Variants in MYO1F observed in about 807,000 individuals in gnomAD.
MYO1F encodes the protein unconventional myosin-If.
A neutral mutation model predicts 146.6 loss-of-function variants in MYO1F; 60 were observed. The observed-to-expected ratio is 0.41, with a 90% CI of 0.33 to 0.51. The LOEUF (loss-of-function observed/expected upper bound fraction) is 0.51. Among genes scored for constraint, MYO1F ranks in the 20% least tolerant of loss-of-function variants. The pLI is 0.25. For missense variants in MYO1F, 1,274 were observed against 1,534.3 expected (o/e 0.83, Z 2.83); for synonymous variants, 602 against 602.1 (o/e 1.00, Z 0.00).
Position 8,552,110 on chromosome 19 carries a change from T to C in MYO1F, c.559A>G (p.Ile187Val). 1 of 1,614,034 alleles carries C rather than the reference T, an allele frequency of 6.2e-7. No individual in the cohort carries two copies. The highest frequency in any genetic ancestry group is 8.5e-7 in the Non-Finnish European group (1 of 1,180,000). Residue 187 changes from isoleucine (I) to valine (V), a missense_variant, in exon 7 of 28, where the codon ATC becomes GTC. Ile to Val is a conservative substitution (Grantham distance 29). Transcript: ENST00000644032. ...GACTTCTCCAGCAAGAAGTTGGAGA[T>C]CTTGCCCCCATCTGGCTCCCCACCT... ...SRGGEPDGGK[I>V]SNFLLEKSRV...
intron 19 of MYO1F, among the ~76,000 whole-genome samples, chr19:8,531,275 A>C (rs930967737): frequency 6.6e-6 from 1 of 151,986 alleles, no homozygotes; most frequent in Non-Finnish European, 1.5e-5. Context: ...TGAACCTGGG[A>C]GTTGGAGGTT....
chr19:8,559,138 C>G (rs1026547101), intron 1 of MYO1F, among the ~76,000 whole-genome samples: 2 of 151,846 alleles, frequency 1.3e-5, no homozygotes, highest in Non-Finnish European at 2.9e-5. Flanking sequence ...CCTCGATCTT[C>G]CAAACTGCTG....
intron 8 of MYO1F, 176 bp downstream of exon 8, chr19:8,551,564 C>A: frequency 3.5e-6 from 3 of 845,306 alleles, no homozygotes; most frequent in Non-Finnish European, 3.8e-6. Context: ...GTTGGCCAGG[C>A]CGGTCTTAAA....
At chr19:8,554,978 G>A (rs924646868) in intron 2 of MYO1F, among the ~76,000 whole-genome samples, 3 of 152,104 alleles carry the variant, frequency 2.0e-5, no homozygotes, top group African/African-American at 4.8e-5. Flanking sequence ...GAGGTCAGGA[G>A]TTTGAGACCA....
At position 8,551,682 on chromosome 19, in the gene MYO1F, A is replaced by C. The variant is rs921610794; in HGVS notation, c.771+58T>G. On this transcript the variant is annotated intron_variant, in intron 8 of 27. Transcript: ENST00000644032. ...TCGGTTTCCTAATTTGTAACTCAGGAGGGTTTCTGGGGCTGAGGTCTGCCT... is the reference window on the plus strand; with the variant it reads ...TCGGTTTCCTAATTTGTAACTCAGGCGGGTTTCTGGGGCTGAGGTCTGCCT... The C allele has an allele frequency of 3.7e-6, 6 of 1,613,186 alleles. No individual in the cohort carries two copies. The African/African-American group carries it at 8.0e-5, about 22-fold the overall frequency.
chr19:8,569,883 G>A (rs537386325), intron 1 of MYO1F, among the ~76,000 whole-genome samples: 1 of 152,216 alleles, frequency 6.6e-6, no homozygotes, highest in Non-Finnish European at 1.5e-5. Flanking sequence ...GCCTCTCATT[G>A]CTTAGGAGGA....
chr19:8,525,816 T>C (rs1250129018), intron 24 of MYO1F, among the ~76,000 whole-genome samples: 1 of 152,184 alleles, frequency 6.6e-6, no homozygotes, highest in African/African-American at 2.4e-5. Flanking sequence ...AGTTCCAGGG[T>C]TGCCGCTCTG....
intron 1 of MYO1F, among the ~76,000 whole-genome samples, chr19:8,571,064 T>G (rs1325247062): frequency 6.6e-6 from 1 of 152,182 alleles, no homozygotes; most frequent in Admixed American, 6.5e-5. Context: ...GGAGGGAGCT[T>G]TTGCAACTCA....
At chr19:8,539,885 C>A in intron 16 of MYO1F, 62 bp downstream of exon 16, 1 of 1,444,588 alleles carries the variant, frequency 6.9e-7, no homozygotes, top group Non-Finnish European at 9.7e-7. Flanking sequence ...AGTCCGGACC[C>A]CAGGTAGGGT....
At chr19:8,539,011 T>C (rs2967771) in intron 16 of MYO1F, among the ~76,000 whole-genome samples, 45,807 of 152,036 alleles carry the variant, frequency 0.3, 10,343 homozygotes, top group African/African-American at 0.63. Flanking sequence ...ATAGGCTGGG[T>C]ACAGTGGCTC....
At position 8,577,254 on chromosome 19, in the gene MYO1F, T is replaced by C; in HGVS notation, c.3+53A>G. On this transcript the variant is annotated intron_variant, in intron 1 of 27. Coordinates refer to ENST00000644032, the MANE Select transcript of MYO1F (RefSeq NM_012335.4). The surrounding 1 kb of genome is among the most constrained non-coding windows in gnomAD (Gnocchi z 4.3). ...TGGTCATTTTTAGGACACCTCCACC[T>C]GGCTGGTGTCCCTCCTCTTTCTTCT... The C allele has an allele frequency of 1.9e-6, 3 of 1,605,642 alleles. No individual in the cohort carries two copies. In the South Asian group the frequency reaches 3.3e-5, roughly 18 times the overall value.
chr19:8,551,475 C>T, intron 8 of MYO1F: 1 of 467,298 alleles, frequency 2.1e-6, no homozygotes, highest in Non-Finnish European at 3.9e-6. Context: ...CCTCTGCCTC[C>T]CCAGTAGCTG....
intron 1 of MYO1F, among the ~76,000 whole-genome samples, chr19:8,565,902 A>T (rs1163433696): frequency 1.3e-5 from 2 of 152,032 alleles, no homozygotes; most frequent in Non-Finnish European, 2.9e-5. Flanking sequence ...CAGCCTGGGC[A>T]ACATAGTGAG....
chr19:8,543,798 G>C (rs1318412511), intron 14 of MYO1F, among the ~76,000 whole-genome samples: 7 of 10,890 alleles, frequency 6.4e-4, no homozygotes, highest in African/African-American at 5.2e-4. Flanking sequence ...GGTGGTGGTG[G>C]TGCTGGTGGT....
At position 8,530,465 on chromosome 19, in the gene MYO1F, C is replaced by G. The variant is rs753466592; in HGVS notation, c.2152G>C (p.Glu718Gln). 9.9e-6 allele frequency: 16 copies of G among 1,613,678 alleles called. No homozygotes were observed. The Middle Eastern group carries it at 4.9e-4, about 50-fold the overall frequency. ...VAVRKYEEMR[E>Q]EASNILLNKK... ...TTTACCCGAAGCCTCTCACCTTCCT[C>G]CCGCATCTCCTCGTACTTCCGGACA... Residue 718 changes from glutamate to glutamine, a missense_variant, in exon 20 of 28, where the codon GAG becomes CAG. By Grantham distance (29) the Glu-to-Gln change is conservative. This residue lies in a region of MYO1F where 900 missense variants were observed against 1,155.1 expected (regional missense o/e 0.78). Coordinates refer to ENST00000644032, the MANE Select transcript of MYO1F (RefSeq NM_012335.4). The surrounding 1 kb of genome is among the most constrained non-coding windows in gnomAD (Gnocchi z 5.8).
intron 12 of MYO1F, among the ~76,000 whole-genome samples, chr19:8,546,795 C>T (rs1973377833): frequency 6.6e-6 from 1 of 152,162 alleles, no homozygotes; most frequent in Non-Finnish European, 1.5e-5. Context: ...TCTCCTGCCT[C>T]AGACTCCTGA....
chr19:8,554,108 C>T (rs1973742975), intron 4 of MYO1F, among the ~76,000 whole-genome samples: 1 of 151,864 alleles, frequency 6.6e-6, no homozygotes, highest in Non-Finnish European at 1.5e-5. Context: ...TACAGGCGTG[C>T]ACCACCGTGT....
At chr19:8,552,216 G>A (rs779028359) in intron 6 of MYO1F, 52 bp from the exon 7 acceptor site, 5 of 1,606,874 alleles carry the variant, frequency 3.1e-6, no homozygotes, top group Non-Finnish European at 4.3e-6. Flanking sequence ...GTGCAGGTGG[G>A]GGAAGGGTTG....
chr19:8,548,477 TAC>T (rs1291461336), intron 10 of MYO1F, among the ~76,000 whole-genome samples, 160 bp from the exon 11 acceptor site: 3 of 152,076 alleles, frequency 2.0e-5, no homozygotes, highest in Non-Finnish European at 4.4e-5. Context: ...TGGCTCTGTG[TAC>T]AGTCTCCCCA....
Sources: gnomAD v4.1 joint callset for allele counts (sites outside exome capture counted in the v4.1 genomes callset) on GRCh38, gnomAD v4.1.1 for gene constraint, gnomAD v4.1.1 regional missense constraint, Gnocchi (gnomAD v3.1) non-coding constraint, MANE v1.5 for transcripts, NCBI Gene and HGNC (gene_info 2026-07-23, HGNC 2026-07-21) for gene names.